MAJIN: variants seen among roughly 807,000 people sequenced by gnomAD.
MAJIN encodes membrane anchored junction protein, also known as membrane-anchored junction protein.
A neutral mutation model predicts 30.2 loss-of-function variants in MAJIN; 27 were observed. That is an observed-to-expected ratio of 0.89 (90% CI 0.66 to 1.23). MAJIN has a LOEUF of 1.23. Among genes scored for constraint, MAJIN ranks in the 50% most tolerant of loss-of-function variants. The pLI is 0.00. For missense variants in MAJIN, 253 were observed against 260.3 expected, an observed-to-expected ratio of 0.97 and a Z score of 0.19; for synonymous variants, 78 against 91.6, an observed-to-expected ratio of 0.85 and a Z score of 0.85.
chr11:64,960,964 C>G (rs1230392894), intron 1 of MAJIN, among the ~76,000 whole-genome samples: 1 of 152,192 alleles, frequency 6.6e-6, no homozygotes, highest in Non-Finnish European at 1.5e-5. Flanking sequence ...GTGCCAACTG[C>G]AAAGTCCCCG....
At chr11:64,940,692 C>G (rs1461484649) in intron 8 of MAJIN, 46 bp from the exon 9 acceptor site, 3 of 1,540,536 alleles carry the variant, frequency 1.9e-6, no homozygotes, top group Non-Finnish European at 1.8e-6. Flanking sequence ...TCCTCCTACA[C>G]TGCATGGCAA....
At chr11:64,943,680 C>G (rs1244263399) in intron 8 of MAJIN, among the ~76,000 whole-genome samples, 1 of 152,124 alleles carries the variant, frequency 6.6e-6, no homozygotes, top group East Asian at 1.9e-4. Flanking sequence ...AGAGTTTTTT[C>G]TAAAGCCAGA....
At chr11:64,957,243 T>G (rs1209852556) in intron 3 of MAJIN, among the ~76,000 whole-genome samples, 1 of 151,692 alleles carries the variant, frequency 6.6e-6, no homozygotes, top group Non-Finnish European at 1.5e-5. Flanking sequence ...CATGTCCAGC[T>G]AATTTCTTTT....
chr11:64,954,459 G>A (rs1157449652), intron 4 of MAJIN: 8 of 476,000 alleles, frequency 1.7e-5, no homozygotes, highest in Non-Finnish European at 3.1e-5. Flanking sequence ...GCAGTCCTCC[G>A]GAATCTTTCT....
intron 1 of MAJIN, among the ~76,000 whole-genome samples, chr11:64,964,686 AAGC>A (rs1945779722): frequency 6.6e-6 from 1 of 151,376 alleles, no homozygotes; most frequent in Non-Finnish European, 1.5e-5. Context: ...TCTGAGGTTC[AAGC>A]AATTCTCATG....
At position 64,950,505 on chromosome 11, in the gene MAJIN, T is replaced by G. The variant is rs73481154; in HGVS notation, c.148-75A>C. ...CTTTGTTTATATTTGTCACTGCTAC[T>G]CACATACCCTATACACTATCAAAAC... On this transcript the variant is annotated intron_variant, in intron 4 of 10. Transcript: ENST00000301896. The G allele has an allele frequency of 1.2e-3, 1,494 of 1,266,342 alleles. 19 individuals carry two copies. In the African/African-American group the frequency reaches 0.02, roughly 17 times the overall value. 78.4% of individuals were successfully genotyped at this position (1,266,342 alleles called of 1,614,324 possible). A position where few individuals can be genotyped will look rare whatever the true frequency, so the allele number is the denominator to read the frequency against.
At chr11:64,949,414 T>C (rs1945514263) in intron 6 of MAJIN, among the ~76,000 whole-genome samples, 1 of 152,192 alleles carries the variant, frequency 6.6e-6, no homozygotes, top group Non-Finnish European at 1.5e-5. Context: ...GTTTATATAA[T>C]AGTTATCTTT....
chr11:64,940,748 G>T, intron 8 of MAJIN, 102 bp from the exon 9 acceptor site: 1 of 1,028,902 alleles, frequency 9.7e-7, no homozygotes, highest in Non-Finnish European at 1.5e-6. Context: ...CAGCACTGGG[G>T]CCTGGCTTCT....
chr11:64,961,058 T>G (rs1590704827), intron 1 of MAJIN, among the ~76,000 whole-genome samples: 2 of 152,332 alleles, frequency 1.3e-5, no homozygotes, highest in East Asian at 3.9e-4. Flanking sequence ...GTTTTGATGT[T>G]TTAGTGCTAG....
intron 9 of MAJIN, 114 bp from the exon 10 acceptor site, chr11:64,939,881 T>G (rs1244320297): frequency 2.4e-6 from 2 of 837,110 alleles, no homozygotes; most frequent in Non-Finnish European, 3.6e-6. Context: ...CAAGAGTTCT[T>G]TAAAGCCAGA....
intron 5 of MAJIN, 39 bp downstream of exon 5, chr11:64,950,316 C>G (rs367819251): frequency 3.6e-5 from 49 of 1,375,730 alleles, no homozygotes; most frequent in Non-Finnish European, 4.5e-5. Flanking sequence ...GGTGACAGAG[C>G]AAGACTCCAT....
At chr11:64,940,216 A>G (rs545957065) in intron 9 of MAJIN, among the ~76,000 whole-genome samples, 19 of 152,368 alleles carry the variant, frequency 1.2e-4, no homozygotes, top group African/African-American at 4.6e-4. Context: ...AATGCCTCAA[A>G]GGGAAGAGAT....
intron 3 of MAJIN, among the ~76,000 whole-genome samples, chr11:64,956,299 C>CAAATAAAT (rs906180608): frequency 6.6e-6 from 1 of 151,580 alleles, no homozygotes; most frequent in South Asian, 2.1e-4. Flanking sequence ...AACTCCATCT[C>CAAATAAAT]AAATAAATAA....
chr11:64,945,306 C>T (rs1945435429), intron 8 of MAJIN, among the ~76,000 whole-genome samples: 2 of 151,436 alleles, frequency 1.3e-5, no homozygotes, highest in South Asian at 2.1e-4. Flanking sequence ...TGCAGTGAGC[C>T]GAGATCGCAC....
In MAJIN at chr11:64,959,175, A is replaced by T. The variant is rs576287360; in HGVS notation, c.101+130T>A. 6.8e-5 allele frequency: 42 copies of T among 619,694 alleles called. No homozygotes were observed. The South Asian group carries it at 9.1e-4, about 13-fold the overall frequency. 38.4% of individuals were successfully genotyped at this position (619,694 alleles called of 1,614,324 possible). On this transcript the variant is annotated intron_variant, in intron 3 of 10. Transcript: ENST00000301896. ...ATATACTGAATATAAAATTCCTGGG[A>T]AAGACAGTCCTGCAAGATGCTACTT...
At chr11:64,940,312 TAGTG>T (rs1167042865) in intron 9 of MAJIN, among the ~76,000 whole-genome samples, 1 of 152,188 alleles carries the variant, frequency 6.6e-6, no homozygotes, top group Non-Finnish European at 1.5e-5. Flanking sequence ...TGTTTTGAAA[TAGTG>T]AGAGCATAAC....
At chr11:64,957,879 A>G (rs907176240) in intron 3 of MAJIN, among the ~76,000 whole-genome samples, 7 of 151,716 alleles carry the variant, frequency 4.6e-5, no homozygotes, top group African/African-American at 1.7e-4. Context: ...TATAACTTTA[A>G]TAATACCGTA....
intron 1 of MAJIN, among the ~76,000 whole-genome samples, chr11:64,965,408 G>A (rs1945790280): frequency 6.6e-6 from 1 of 152,094 alleles, no homozygotes; most frequent in African/African-American, 2.4e-5. Flanking sequence ...AAACCAGAAA[G>A]GAGTCTAAAT....
chr11:64,938,406 TG>T lies in MAJIN; in HGVS notation c.*168del. 1 of 1,129,150 alleles carries T rather than the reference TG, an allele frequency of 8.9e-7. No homozygotes were observed. Among genetic ancestry groups the T allele is most frequent in the Non-Finnish European group, 1.3e-6 (1 of 780,536 alleles). 69.9% of individuals were successfully genotyped at this position (1,129,150 alleles called of 1,614,324 possible). On this transcript the variant is annotated 3_prime_UTR_variant, in exon 11 of 11. Transcript: ENST00000301896. Reference sequence around the variant, plus strand: ...CGATAAAACCACAGAGGACTCAGCATGGGGACCTCATTCCCCACGACTGAAG... The same window carrying T: ...CGATAAAACCACAGAGGACTCAGCATGGGACCTCATTCCCCACGACTGAAG...
Sources: allele counts gnomAD v4.1 joint callset (sites outside exome capture counted in the v4.1 genomes callset), GRCh38; gene constraint gnomAD v4.1.1; transcripts MANE v1.5; gene names NCBI Gene and HGNC (gene_info 2026-07-23, HGNC 2026-07-21).